The following RORA variants were observed in gnomAD, a reference collection of about 807,000 sequenced individuals.
RORA encodes RAR related orphan receptor A.
RORA carries 7 observed loss-of-function variants against 69.5 expected under a neutral mutation model. The ratio of observed to expected loss-of-function variants is 0.10; its 90% confidence interval spans 0.06 to 0.19. The LOEUF (loss-of-function observed/expected upper bound fraction) is 0.19. Ranked by LOEUF, RORA falls within the 10% of genes least tolerant of loss-of-function variation. The pLI, the probability that RORA is intolerant of heterozygous loss-of-function variation, is 1.00. For missense variants in RORA, 457 were observed against 663.0 expected (o/e 0.69, Z 3.41); for synonymous variants, 261 against 240.8 (o/e 1.08, Z -0.78).
rs750597333 is a variant in RORA at position 60,489,498 on chromosome 15, CTTAG to C, written c.*7953_*7956del. 5 of 152,160 alleles carry C rather than the reference CTTAG, an allele frequency of 3.3e-5. No individual in the cohort carries two copies. Among genetic ancestry groups the C allele is most frequent in the East Asian group, 3.8e-4 (2 of 5,200 alleles). The allele number at this position is 152,160 out of a possible 1,614,324, so 9.4% of individuals were successfully genotyped here. A position where few individuals can be genotyped will look rare whatever the true frequency, so the allele number is the denominator to read the frequency against. ...AATATTTAATAAGGTTAACTACATCCTTAGTTAGATATTTGATAAACTTTGCTTT... is the reference window on the plus strand; with the variant it reads ...AATATTTAATAAGGTTAACTACATCCTTAGATATTTGATAAACTTTGCTTT... On this transcript the variant is annotated 3_prime_UTR_variant, in exon 11 of 11. Coordinates refer to ENST00000335670, the MANE Select transcript of RORA (RefSeq NM_134261.3).
At chr15:60,979,013 G>A (rs966862671) in intron 1 of RORA, among the ~76,000 whole-genome samples, 1 of 126,428 alleles carries the variant, frequency 7.9e-6, no homozygotes, top group South Asian at 2.6e-4. Flanking sequence ...CCAGGCTGGA[G>A]TGCAGTGGTG....
chr15:61,042,716 C>T (rs986336910), intron 1 of RORA, among the ~76,000 whole-genome samples: 4 of 152,214 alleles, frequency 2.6e-5, no homozygotes, highest in Admixed American at 6.5e-5. Flanking sequence ...CCTACCTACT[C>T]GGGACCTCGT....
chr15:61,152,332 G>A (rs1032130242), intron 1 of RORA, among the ~76,000 whole-genome samples: 3 of 151,966 alleles, frequency 2.0e-5, no homozygotes, highest in Non-Finnish European at 2.9e-5. Flanking sequence ...AAGCAGTCCC[G>A]AGGAATATGA....
chr15:61,052,290 T>C (rs75752558), intron 1 of RORA, among the ~76,000 whole-genome samples: 1 of 152,216 alleles, frequency 6.6e-6, no homozygotes, highest in South Asian at 2.1e-4. Flanking sequence ...TTATACTACA[T>C]ATTTTTGTTT....
intron 1 of RORA, among the ~76,000 whole-genome samples, chr15:60,679,318 C>T (rs563307533): frequency 1.3e-5 from 2 of 152,108 alleles, no homozygotes; most frequent in Admixed American, 6.5e-5. Flanking sequence ...ACACAAACTA[C>T]GAAAACACGA....
chr15:61,174,751 T>C (rs1026379228), intron 1 of RORA, among the ~76,000 whole-genome samples: 3 of 152,136 alleles, frequency 2.0e-5, no homozygotes, highest in Non-Finnish European at 2.9e-5. Context: ...ATCTGTTCCG[T>C]AGGGAAAGAG....
intron 1 of RORA, among the ~76,000 whole-genome samples, chr15:60,996,381 G>A (rs1894535385): frequency 2.6e-5 from 4 of 152,124 alleles, no homozygotes; most frequent in Admixed American, 1.3e-4. Context: ...CCTACATCTT[G>A]TTTTAATTGG....
At chr15:60,863,091 T>C (rs1311808424) in intron 1 of RORA, among the ~76,000 whole-genome samples, 1 of 152,222 alleles carries the variant, frequency 6.6e-6, no homozygotes, top group Non-Finnish European at 1.5e-5. Context: ...AAACAGTTTC[T>C]TGGGTCTATC....
intron 1 of RORA, among the ~76,000 whole-genome samples, chr15:61,197,787 G>A (rs1039826322): frequency 7.2e-5 from 11 of 152,118 alleles, no homozygotes; most frequent in Non-Finnish European, 1.6e-4. Context: ...CAAGCACAAC[G>A]AGGAGGTTCC....
chr15:60,779,285 C>T (rs2072219643), intron 1 of RORA, among the ~76,000 whole-genome samples: 1 of 152,158 alleles, frequency 6.6e-6, no homozygotes, highest in Non-Finnish European at 1.5e-5. Flanking sequence ...GTTGGCCCAA[C>T]TCTTATCTTT....
intron 1 of RORA, among the ~76,000 whole-genome samples, chr15:61,058,870 G>T (rs2140529979): frequency 6.6e-6 from 1 of 152,308 alleles, no homozygotes; most frequent in South Asian, 2.1e-4. Flanking sequence ...AACACAAAAG[G>T]GGTGGTCAGT....
chr15:60,736,311 G>A (rs1381737154), intron 1 of RORA, among the ~76,000 whole-genome samples: 1 of 152,136 alleles, frequency 6.6e-6, no homozygotes, highest in Non-Finnish European at 1.5e-5. Flanking sequence ...GCAGCATGGC[G>A]GGAAGTCAGA....
At chr15:60,637,448 C>T (rs1313920180) in intron 2 of RORA, among the ~76,000 whole-genome samples, 3 of 151,878 alleles carry the variant, frequency 2.0e-5, no homozygotes, top group African/African-American at 7.3e-5. Flanking sequence ...CTCTATATTT[C>T]AATGTATTGA....
At chr15:61,168,915 T>C (rs1212668586) in intron 1 of RORA, among the ~76,000 whole-genome samples, 1 of 152,208 alleles carries the variant, frequency 6.6e-6, no homozygotes, top group Non-Finnish European at 1.5e-5. Flanking sequence ...CATTTCTAGC[T>C]TGGAACCTGC....
chr15:60,747,203 AAT>A (rs1199301421), intron 1 of RORA, among the ~76,000 whole-genome samples: 1 of 152,224 alleles, frequency 6.6e-6, no homozygotes, highest in Non-Finnish European at 1.5e-5. Flanking sequence ...AGATAACAGC[AAT>A]GTTTTAATCC....
In RORA at chr15:60,537,411, C is replaced by T. The variant is rs1567068892; in HGVS notation, c.197-5560G>A. ...TCAATCTGTCTACCCAGACAAGCTC[C>T]CTTTTTTCAAACCCTCCTTCCAGGG... On this transcript the variant is annotated intron_variant, in intron 2 of 10. Coordinates refer to ENST00000335670, the MANE Select transcript of RORA (RefSeq NM_134261.3). This position sits in a 1 kb window ranked among gnomAD's most constrained non-coding sequence, Gnocchi z 4.9. 6.6e-6 allele frequency among the ~76,000 whole-genome samples: 1 copy of T among 152,144 alleles called. No individual in the cohort carries two copies. The highest frequency in any genetic ancestry group is 1.5e-5 in the Non-Finnish European group (1 of 68,034).
At chr15:60,567,828 A>G (rs2067761772) in intron 2 of RORA, among the ~76,000 whole-genome samples, 1 of 152,168 alleles carries the variant, frequency 6.6e-6, no homozygotes, top group Non-Finnish European at 1.5e-5. Context: ...TCATGCCAAT[A>G]AAGTTTTCCA....
intron 1 of RORA, among the ~76,000 whole-genome samples, chr15:60,836,705 C>T (rs1026036072): frequency 1.3e-4 from 20 of 152,158 alleles, no homozygotes; most frequent in African/African-American, 4.6e-4. Context: ...TAGCTGGAGA[C>T]GCCTCCATTT....
chr15:60,756,594 C>T (rs919865428), intron 1 of RORA, among the ~76,000 whole-genome samples: 2 of 152,246 alleles, frequency 1.3e-5, no homozygotes, highest in East Asian at 3.9e-4. Flanking sequence ...TGCTTATATC[C>T]AGTTTGGCTT....
Sources: allele counts gnomAD v4.1 joint callset (sites outside exome capture counted in the v4.1 genomes callset), GRCh38; gene constraint gnomAD v4.1.1; non-coding constraint Gnocchi (gnomAD v3.1); transcripts MANE v1.5; gene names NCBI Gene and HGNC (gene_info 2026-07-23, HGNC 2026-07-21).